Variants in IKBKB-DT observed in about 807,000 individuals in gnomAD.
The protein encoded by IKBKB-DT is IKBKB divergent transcript.
intron 3 of IKBKB-DT, among the ~76,000 whole-genome samples, chr8:42,245,654 A>G (rs1563275385): frequency 6.6e-6 from 1 of 152,234 alleles, no homozygotes; most frequent in Non-Finnish European, 1.5e-5. Flanking sequence ...TGTAATCATT[A>G]TAGAATCAAG....
chr8:42,247,822 C>G (rs142470276), intron 3 of IKBKB-DT, among the ~76,000 whole-genome samples: 173 of 152,224 alleles, frequency 1.1e-3, no homozygotes, highest in African/African-American at 3.9e-3. Context: ...GCGCTGGGTG[C>G]AGTGGCTCAC....
rs551597788 is a variant in IKBKB-DT, at chr8:42,258,667, A to C, written n.1529+4662T>G. ...GTATTTTTAATAGAGACAGGGTTTC[A>C]CCATGTTAGCCAGGATGGTCTAGAT... On this transcript the variant is annotated intron_variant and non_coding_transcript_variant, in intron 3 of 3. Transcript: ENST00000518213. Among the ~76,000 whole-genome samples, 6 of 151,960 alleles carry C rather than the reference A, an allele frequency of 3.9e-5. No individual in the cohort carries two copies. In the South Asian group the frequency reaches 1.2e-3, roughly 32 times the overall value.
At chr8:42,251,093 C>T (rs983272865) in intron 3 of IKBKB-DT, among the ~76,000 whole-genome samples, 5 of 152,094 alleles carry the variant, frequency 3.3e-5, no homozygotes, top group African/African-American at 1.2e-4. Context: ...TGAAACCCCA[C>T]CTCTACTGCT....
At chr8:42,256,445 G>A (rs1011635986) in intron 3 of IKBKB-DT, among the ~76,000 whole-genome samples, 45 of 151,364 alleles carry the variant, frequency 3.0e-4, no homozygotes, top group African/African-American at 9.2e-4. Context: ...GGTGGCATGC[G>A]CCTGTAATCC....
intron 3 of IKBKB-DT, among the ~76,000 whole-genome samples, chr8:42,263,106 G>C (rs1223670070): frequency 6.6e-6 from 1 of 151,884 alleles, no homozygotes; most frequent in Non-Finnish European, 1.5e-5. Flanking sequence ...CAAACTCCTG[G>C]GCTCAAGTGA....
intron 3 of IKBKB-DT, among the ~76,000 whole-genome samples, chr8:42,247,089 G>A (rs760077659): frequency 5.9e-5 from 9 of 152,106 alleles, no homozygotes; most frequent in Admixed American, 1.3e-4. Flanking sequence ...TAGATCCACC[G>A]ACAGCTTGCA....
intron 2 of IKBKB-DT, among the ~76,000 whole-genome samples, chr8:42,264,267 C>T (rs1224193702): frequency 1.3e-5 from 2 of 151,882 alleles, no homozygotes; most frequent in African/African-American, 4.8e-5. Flanking sequence ...AGTGACCCTC[C>T]TACCTCAGCC....
chr8:42,253,562 T>C (rs1240555324), intron 3 of IKBKB-DT, among the ~76,000 whole-genome samples: 1 of 152,182 alleles, frequency 6.6e-6, no homozygotes, highest in Non-Finnish European at 1.5e-5. Flanking sequence ...AAACTAGAAT[T>C]GGGGATCCAG....
intron 3 of IKBKB-DT, among the ~76,000 whole-genome samples, chr8:42,262,927 G>A (rs1337254611): frequency 2.1e-4 from 32 of 152,026 alleles, no homozygotes; most frequent in Non-Finnish European, 7.3e-5. Flanking sequence ...TTTTAGTAGA[G>A]ACAGGGTCTT....
intron 3 of IKBKB-DT, among the ~76,000 whole-genome samples, chr8:42,243,738 G>A (rs1254573659): frequency 1.3e-5 from 2 of 152,208 alleles, no homozygotes; most frequent in East Asian, 1.9e-4. Flanking sequence ...AGTGAGTAAG[G>A]TCATGTTGTT....
intron 3 of IKBKB-DT, among the ~76,000 whole-genome samples, chr8:42,241,313 T>A (rs1199286121): frequency 7.6e-6 from 1 of 130,800 alleles, no homozygotes; most frequent in East Asian, 2.4e-4. Flanking sequence ...AGGCAGAGAA[T>A]GTAATACCAT....
At chr8:42,242,596 G>A (rs905693287) in intron 3 of IKBKB-DT, among the ~76,000 whole-genome samples, 3 of 152,154 alleles carry the variant, frequency 2.0e-5, no homozygotes, top group Non-Finnish European at 2.9e-5. Flanking sequence ...CTGCCACCCT[G>A]TACAGCAACG....
At chr8:42,239,647 T>TATATATATATATATATATATATATATA (rs1421622295) in intron 3 of IKBKB-DT, among the ~76,000 whole-genome samples, 1 of 124,414 alleles carries the variant, frequency 8.0e-6, no homozygotes, top group Non-Finnish European at 1.7e-5. Flanking sequence ...TATTTATTTA[T>TATATATATATATATATATATATATATA]TCATTTTTTT....
chr8:42,234,033 T>C (rs1311410311), intron 3 of IKBKB-DT, among the ~76,000 whole-genome samples: 1 of 152,210 alleles, frequency 6.6e-6, no homozygotes, highest in Non-Finnish European at 1.5e-5. Context: ...TTGTGGCTAA[T>C]GTCAGTCCTA....
At chr8:42,242,512 T>C (rs1361127918) in intron 3 of IKBKB-DT, among the ~76,000 whole-genome samples, 1 of 152,210 alleles carries the variant, frequency 6.6e-6, no homozygotes, top group Non-Finnish European at 1.5e-5. Context: ...ATGAGAATTC[T>C]ATATATGTGG....
intron 3 of IKBKB-DT, among the ~76,000 whole-genome samples, chr8:42,235,712 G>A (rs919819346): frequency 6.6e-6 from 1 of 152,156 alleles, no homozygotes; most frequent in Non-Finnish European, 1.5e-5. Flanking sequence ...TGGGGAGATT[G>A]ATTTGAGTAA....
At chr8:42,236,753 A>G (rs375986778) in intron 3 of IKBKB-DT, among the ~76,000 whole-genome samples, 1 of 152,250 alleles carries the variant, frequency 6.6e-6, no homozygotes, top group African/African-American at 2.4e-5. Context: ...GTGAAACTCC[A>G]TCACACACAC....
intron 3 of IKBKB-DT, among the ~76,000 whole-genome samples, chr8:42,245,259 TA>T (rs1431344216): frequency 1.3e-5 from 2 of 151,968 alleles, no homozygotes; most frequent in Non-Finnish European, 1.5e-5. Context: ...ATCTCAAAAA[TA>T]AAATTTAAAA....
At chr8:42,268,116 T>C (rs1807399432) in intron 1 of IKBKB-DT, among the ~76,000 whole-genome samples, 1 of 151,228 alleles carries the variant, frequency 6.6e-6, no homozygotes, top group Admixed American at 6.6e-5. Flanking sequence ...CCAGCACATA[T>C]AGGTGCTCAA....
Sources: allele counts gnomAD v4.1 joint callset (sites outside exome capture counted in the v4.1 genomes callset), GRCh38; gene constraint gnomAD v4.1.1; transcripts MANE v1.5; gene names NCBI Gene and HGNC (gene_info 2026-07-23, HGNC 2026-07-21).